NSD3: variants seen among roughly 807,000 people sequenced by gnomAD.
NSD3 encodes the protein nuclear receptor binding SET domain protein 3, also known as histone-lysine N-methyltransferase NSD3.
Under a neutral mutation model 160.8 loss-of-function variants are expected in NSD3, and 24 were observed. The observed-to-expected ratio is 0.15, with a 90% CI of 0.11 to 0.21. The LOEUF is 0.21. NSD3 is among the 10% of genes least tolerant of loss of function. NSD3 has a pLI of 1.00. For synonymous variants in NSD3, 520 were observed against 600.0 expected (o/e 0.87, Z 1.95); for missense variants, 1,157 against 1,735.9 (o/e 0.67, Z 5.93).
intron 22 of NSD3, 76 bp downstream of exon 22, chr8:38,278,230 G>C (rs1272655658): frequency 7.4e-7 from 1 of 1,342,740 alleles, no homozygotes; most frequent in South Asian, 1.3e-5. Context: ...GAGCCACCGC[G>C]CCCGGCCAAA....
At chr8:38,281,040 G>T (rs926882910) in intron 20 of NSD3, among the ~76,000 whole-genome samples, 1 of 152,048 alleles carries the variant, frequency 6.6e-6, no homozygotes, top group Non-Finnish European at 1.5e-5. Context: ...ACAGGTGTAA[G>T]CCACCATGCC....
At chr8:38,334,134 A>C (rs577218803) in intron 4 of NSD3, among the ~76,000 whole-genome samples, 1 of 152,322 alleles carries the variant, frequency 6.6e-6, no homozygotes, top group South Asian at 2.1e-4. Context: ...TTTCAGAAAA[A>C]CTGTCAGAAA....
intron 1 of NSD3, among the ~76,000 whole-genome samples, chr8:38,370,403 CAG>C (rs1026856357): frequency 7.1e-6 from 1 of 141,756 alleles, no homozygotes; most frequent in South Asian, 2.2e-4. Flanking sequence ...TTTTTTGAGA[CAG>C]AGTCTCGCTC....
At chr8:38,352,624 G>C (rs1334306502) in intron 1 of NSD3, among the ~76,000 whole-genome samples, 6 of 152,050 alleles carry the variant, frequency 3.9e-5, no homozygotes, top group African/African-American at 1.4e-4. Context: ...TGTTTGTTTT[G>C]AGATAGGGTC....
At chr8:38,277,433 A>G (rs1251552697) in intron 22 of NSD3, among the ~76,000 whole-genome samples, 1 of 152,090 alleles carries the variant, frequency 6.6e-6, no homozygotes, top group East Asian at 1.9e-4. Flanking sequence ...GCGTGCCACC[A>G]CGCCCAGCTA....
chr8:38,290,399 T>G (rs1187678056), intron 17 of NSD3, 76 bp downstream of exon 17: 1 of 1,447,634 alleles, frequency 6.9e-7, no homozygotes, highest in Non-Finnish European at 9.7e-7. Context: ...CCAGAAATAT[T>G]AGGGAGGTGA....
chr8:38,300,673 C>T (rs1809256494), intron 14 of NSD3, among the ~76,000 whole-genome samples: 1 of 152,184 alleles, frequency 6.6e-6, no homozygotes, highest in South Asian at 2.1e-4. Context: ...CTTACCCCTC[C>T]CCCAGTTAAT....
At chr8:38,349,807 G>T (rs890320503) in intron 1 of NSD3, among the ~76,000 whole-genome samples, 2 of 151,220 alleles carry the variant, frequency 1.3e-5, no homozygotes, top group Non-Finnish European at 2.9e-5. Flanking sequence ...TTTACATTAG[G>T]TATATCTCCT....
At chr8:38,295,463 G>A (rs1386916190) in intron 16 of NSD3, among the ~76,000 whole-genome samples, 2 of 152,220 alleles carry the variant, frequency 1.3e-5, no homozygotes, top group East Asian at 3.9e-4. Context: ...TTTGGGGGCT[G>A]AGGTGGGAGG....
At chr8:38,363,639 C>CAAAA (rs768805402) in intron 1 of NSD3, among the ~76,000 whole-genome samples, 7 of 48,706 alleles carry the variant, frequency 1.4e-4, no homozygotes, top group South Asian at 8.0e-4. Context: ...GACTCCGTCT[C>CAAAA]AAAAAAAAAA....
chr8:38,293,658 C>T (rs940553489), intron 16 of NSD3, among the ~76,000 whole-genome samples: 1 of 151,850 alleles, frequency 6.6e-6, no homozygotes, highest in Non-Finnish European at 1.5e-5. Flanking sequence ...CACAGTGGCT[C>T]ACATCTGTAA....
At chr8:38,287,729 T>C (rs953067077) in intron 19 of NSD3, among the ~76,000 whole-genome samples, 2 of 151,824 alleles carry the variant, frequency 1.3e-5, no homozygotes, top group Non-Finnish European at 2.9e-5. Context: ...CTCAACTCAC[T>C]GCAACCTCCA....
intron 12 of NSD3, among the ~76,000 whole-genome samples, chr8:38,307,692 AACACACAC>A (rs1366577907): frequency 6.6e-6 from 1 of 151,942 alleles, no homozygotes; most frequent in Non-Finnish European, 1.5e-5. Flanking sequence ...TTTGTACTAA[AACACACAC>A]ACACAGACAC....
Position 38,316,796 on chromosome 8 carries a change from A to T in NSD3, c.1856-754T>A. ...AATAAATAGGAAAAAAAAGGCAGAG[A>T]ATAGTGTGGAATTGTTTTTTTTAAA... is the stretch of plus-strand genomic sequence containing the variant. On this transcript the variant is annotated intron_variant, in intron 9 of 23. Transcript: ENST00000317025. This position sits in a 1 kb window ranked among gnomAD's most constrained non-coding sequence, Gnocchi z 4.5. 9.4e-7 allele frequency: 1 copy of T among 1,060,966 alleles called. No individual in the cohort carries two copies. The highest frequency in any genetic ancestry group is 1.1e-6 in the Non-Finnish European group (1 of 876,422). 65.7% of individuals were successfully genotyped at this position (1,060,966 alleles called of 1,614,324 possible).
chr8:38,280,712 G>A (rs1808712637), intron 20 of NSD3, among the ~76,000 whole-genome samples: 1 of 151,472 alleles, frequency 6.6e-6, no homozygotes, highest in South Asian at 2.1e-4. Flanking sequence ...GATTAAACTA[G>A]CAGCTTTACT....
chr8:38,291,241 T>C (rs936374366), intron 16 of NSD3, among the ~76,000 whole-genome samples: 1 of 152,158 alleles, frequency 6.6e-6, no homozygotes, highest in Admixed American at 6.5e-5. Flanking sequence ...TAATTAAACA[T>C]GGAATAGTGG....
intron 14 of NSD3, among the ~76,000 whole-genome samples, chr8:38,301,554 T>C (rs577927520): frequency 6.6e-6 from 1 of 152,282 alleles, no homozygotes; most frequent in East Asian, 1.9e-4. Context: ...CACTCCAGCC[T>C]GGGCAACAAG....
At chr8:38,278,153 T>G (rs1808651963) in intron 22 of NSD3, among the ~76,000 whole-genome samples, 153 bp downstream of exon 22, 1 of 152,052 alleles carries the variant, frequency 6.6e-6, no homozygotes, top group South Asian at 2.1e-4. Flanking sequence ...TTAGCCAGGA[T>G]GGTCTCGATC....
intron 7 of NSD3, among the ~76,000 whole-genome samples, chr8:38,325,936 T>A (rs1331201650): frequency 1.3e-5 from 2 of 151,242 alleles, no homozygotes; most frequent in Non-Finnish European, 2.9e-5. Context: ...GATCACAAGG[T>A]CAGGAGTTGG....
Sources: allele counts gnomAD v4.1 joint callset (sites outside exome capture counted in the v4.1 genomes callset), GRCh38; gene constraint gnomAD v4.1.1; non-coding constraint Gnocchi (gnomAD v3.1); transcripts MANE v1.5; gene names NCBI Gene and HGNC (gene_info 2026-07-23, HGNC 2026-07-21).